The following PRKCH variants were observed in gnomAD, a reference collection of about 807,000 sequenced individuals.
The protein encoded by PRKCH is protein kinase C eta, also known as protein kinase C eta type.
PRKCH carries 28 observed loss-of-function variants against 82.5 expected under a neutral mutation model. That is an observed-to-expected ratio of 0.34 (90% CI 0.25 to 0.47). PRKCH has a LOEUF of 0.47. PRKCH is among the 20% of genes least tolerant of loss of function. PRKCH has a pLI of 1.00. For missense variants in PRKCH, 705 were observed against 881.8 expected (o/e 0.80, Z 2.54); for synonymous variants, 322 against 327.4 (o/e 0.98, Z 0.18).
At chr14:61,200,399 GTGTGTGTGTGTT>G (rs796320876) in intron 1 of PRKCH, among the ~76,000 whole-genome samples, 26 of 152,002 alleles carry the variant, frequency 1.7e-4, no homozygotes, top group African/African-American at 6.3e-4. Flanking sequence ...GTGTGTGTGT[GTGTGTGTGTGTT>G]TGTGTGTTAC....
intron 1 of PRKCH, among the ~76,000 whole-genome samples, chr14:61,356,478 G>A (rs1018848754): frequency 6.6e-6 from 1 of 152,132 alleles, no homozygotes; most frequent in African/African-American, 2.4e-5. Flanking sequence ...CCAACAGACC[G>A]ACATATTTTT....
At chr14:61,397,275 G>A (rs2046799901) in intron 2 of PRKCH, among the ~76,000 whole-genome samples, 1 of 152,324 alleles carries the variant, frequency 6.6e-6, no homozygotes, top group African/African-American at 2.4e-5. Flanking sequence ...GTGCCTCAGA[G>A]TCATTTACCA....
Position 61,449,324 on chromosome 14 carries a change from C to T in PRKCH, c.702+72C>T, listed in dbSNP as rs1305578216. On this transcript the variant is annotated intron_variant, in intron 5 of 13. Coordinates refer to ENST00000332981, the MANE Select transcript of PRKCH (RefSeq NM_006255.5). ...ATGCTGTGTACCGCCGTCTCTCTCC[C>T]TCCCTCCCTCCTTTCCTCCCCCTCT... 2.3e-6 allele frequency: 3 copies of T among 1,278,534 alleles called. No individual in the cohort carries two copies. In the African/African-American group the frequency reaches 4.4e-5, roughly 19 times the overall value. The allele number at this position is 1,278,534 out of a possible 1,614,324, so 79.2% of individuals were successfully genotyped here.
intron 12 of PRKCH, among the ~76,000 whole-genome samples, chr14:61,540,223 A>T (rs756788562): frequency 6.6e-6 from 1 of 152,144 alleles, no homozygotes. Context: ...TTCTCCTTCC[A>T]TAGAATCAGA....
At chr14:61,391,875 G>C (rs1160126280) in intron 2 of PRKCH, among the ~76,000 whole-genome samples, 1 of 152,074 alleles carries the variant, frequency 6.6e-6, no homozygotes, top group Non-Finnish European at 1.5e-5. Context: ...CAAGATACAG[G>C]ACATTTCCAT....
chr14:61,252,160 C>G (rs1274160885), intron 1 of PRKCH, among the ~76,000 whole-genome samples: 1 of 152,060 alleles, frequency 6.6e-6, no homozygotes, highest in Admixed American at 6.6e-5. Context: ...TTTAACATGT[C>G]TTTTTTGATC....
intron 9 of PRKCH, among the ~76,000 whole-genome samples, chr14:61,469,791 C>T (rs78000006): frequency 0.015 from 2,250 of 152,204 alleles, 60 homozygotes; most frequent in African/African-American, 0.051. Flanking sequence ...TTAGCAGACT[C>T]GTCGTGTAGA....
At chr14:61,356,503 G>A (rs930743940) in intron 1 of PRKCH, among the ~76,000 whole-genome samples, 1 of 152,134 alleles carries the variant, frequency 6.6e-6, no homozygotes, top group African/African-American at 2.4e-5. Flanking sequence ...GCTATCTCTG[G>A]CTTTGACAAT....
intron 1 of PRKCH, among the ~76,000 whole-genome samples, chr14:61,219,246 C>G (rs2044637403): frequency 6.6e-6 from 1 of 152,090 alleles, no homozygotes; most frequent in Non-Finnish European, 1.5e-5. Flanking sequence ...ATTAGGGTTA[C>G]CAGATAAAAC....
rs769837589 is a variant in PRKCH at position 61,247,473 on chromosome 14, C to T, written c.-19+59805C>T. ...AAAGTTGGCCAGGCATGGTGGCTCA[C>T]GCCTGTAATCCCAGCACCTTGGGAG... On this transcript the variant is annotated intron_variant, in intron 1 of 3. Coordinates refer to the PRKCH transcript ENST00000555185. Among the ~76,000 whole-genome samples the T allele has an allele frequency of 3.9e-5, 6 of 151,942 alleles. No homozygotes were observed. In the South Asian group the frequency reaches 8.3e-4, roughly 21 times the overall value.
chr14:61,273,783 G>A (rs1193305294), intron 1 of PRKCH, among the ~76,000 whole-genome samples: 1 of 152,176 alleles, frequency 6.6e-6, no homozygotes, highest in Non-Finnish European at 1.5e-5. Flanking sequence ...ATTATTAGAT[G>A]CATCTCTGCA....
chr14:61,301,978 C>T (rs914573673), intron 1 of PRKCH, among the ~76,000 whole-genome samples: 4 of 152,180 alleles, frequency 2.6e-5, no homozygotes, highest in South Asian at 4.1e-4. Flanking sequence ...TTTCAGTTGA[C>T]ATTCTACATA....
upstream of PRKCH, among the ~76,000 whole-genome samples, chr14:61,318,661 C>A (rs1186461006): frequency 6.6e-6 from 1 of 152,112 alleles, no homozygotes; most frequent in African/African-American, 2.4e-5. Context: ...TTGAATTCAT[C>A]TATTTATCTT....
intron 10 of PRKCH, among the ~76,000 whole-genome samples, chr14:61,498,607 T>G (rs768907864): frequency 2.6e-5 from 4 of 152,128 alleles, no homozygotes; most frequent in Non-Finnish European, 5.9e-5. Flanking sequence ...CTGGCCAATT[T>G]GGTTCCTCAT....
In PRKCH at chr14:61,457,601, C is replaced by G. The variant is rs531528113; in HGVS notation, c.1200C>G (p.Thr400=). The change falls in exon 9 of 14, where the codon ACC becomes ACG. Residue 400 remains threonine, a synonymous_variant. Coordinates refer to ENST00000332981, the MANE Select transcript of PRKCH (RefSeq NM_006255.5). The part of the protein sequence containing the change: ...VILQDDDVEC[T]MTEKRILSLA... ...TGCAGGATGATGATGTGGAATGCAC[C>G]ATGACCGAGAAAAGGATCCTGTCTC... 1.4e-5 allele frequency: 23 copies of G among 1,614,122 alleles called. No homozygotes were observed. In the East Asian group the frequency reaches 4.9e-4, roughly 34 times the overall value.
At chr14:61,257,647 A>G (rs80193063) in intron 1 of PRKCH, among the ~76,000 whole-genome samples, 9,152 of 150,910 alleles carry the variant, frequency 0.061, 320 homozygotes, top group Non-Finnish European at 0.076. Context: ...ACACACACAC[A>G]CACGCATACA....
At chr14:61,194,214 T>G (rs1046761087) in intron 1 of PRKCH, among the ~76,000 whole-genome samples, 1 of 152,280 alleles carries the variant, frequency 6.6e-6, no homozygotes, top group Non-Finnish European at 1.5e-5. Context: ...GAGTCTACTA[T>G]AAATTAGTAC....
intron 1 of PRKCH, among the ~76,000 whole-genome samples, chr14:61,294,783 C>T (rs1371966584): frequency 6.6e-6 from 1 of 150,648 alleles, no homozygotes; most frequent in Non-Finnish European, 1.5e-5. Flanking sequence ...CAAGGAGATG[C>T]ACCCCCCGCA....
At chr14:61,338,019 C>T (rs554558962) in intron 1 of PRKCH, among the ~76,000 whole-genome samples, 4 of 152,268 alleles carry the variant, frequency 2.6e-5, no homozygotes, top group South Asian at 4.1e-4. Flanking sequence ...TCTTGTCATG[C>T]ACATCCTGTA....
Sources: gnomAD v4.1 joint callset for allele counts (sites outside exome capture counted in the v4.1 genomes callset) on GRCh38, gnomAD v4.1.1 for gene constraint, MANE v1.5 for transcripts, NCBI Gene and HGNC (gene_info 2026-07-23, HGNC 2026-07-21) for gene names.